The following MTRES1 variants were observed in gnomAD, a reference collection of about 807,000 sequenced individuals.
MTRES1 encodes uncharacterized protein C6orf203.
A neutral mutation model predicts 17.4 loss-of-function variants in MTRES1; 11 were observed. That is an observed-to-expected ratio of 0.63 (90% CI 0.40 to 1.05). The LOEUF (loss-of-function observed/expected upper bound fraction) is 1.05. Ranked by LOEUF, MTRES1 falls within the 50% of genes least tolerant of loss-of-function variation. The pLI, the probability that MTRES1 is intolerant of heterozygous loss-of-function variation, is 0.00. For missense variants in MTRES1, 268 were observed against 276.2 expected (o/e 0.97, Z 0.21); for synonymous variants, 94 against 99.6 (o/e 0.94, Z 0.34).
chr6:107,046,750 GA>G (rs1774403205), intron 3 of MTRES1, among the ~76,000 whole-genome samples: 1 of 152,148 alleles, frequency 6.6e-6, no homozygotes, highest in Non-Finnish European at 1.5e-5. Context: ...TCTTTGAGCT[GA>G]AAACCAGGTG....
chr6:107,043,420 C>T (rs1554228027), intron 2 of MTRES1, among the ~76,000 whole-genome samples: 1 of 151,944 alleles, frequency 6.6e-6, no homozygotes, highest in East Asian at 1.9e-4. Context: ...GGGGTGCCAA[C>T]CCCCATGCAG....
At chr6:107,050,837 A>G (rs1554229116) in intron 3 of MTRES1, among the ~76,000 whole-genome samples, 1 of 152,066 alleles carries the variant, frequency 6.6e-6, no homozygotes, top group East Asian at 1.9e-4. Context: ...TTGGCCTCCC[A>G]AAGTGCTGGG....
intron 1 of MTRES1, among the ~76,000 whole-genome samples, chr6:107,032,232 C>G (rs1451693132): frequency 6.6e-6 from 1 of 152,142 alleles, no homozygotes; most frequent in Non-Finnish European, 1.5e-5. Flanking sequence ...TTTACTATAG[C>G]CACCCCCACG....
At chr6:107,051,004 T>A (rs1242634417) in intron 3 of MTRES1, 53 bp from the exon 4 acceptor site, 2 of 1,453,406 alleles carry the variant, frequency 1.4e-6, no homozygotes, top group Non-Finnish European at 1.9e-6. Flanking sequence ...ATGTTTGCAT[T>A]GGCCTGGATT....
intron 1 of MTRES1, among the ~76,000 whole-genome samples, chr6:107,030,501 C>G (rs1243984546): frequency 1.3e-5 from 2 of 152,132 alleles, no homozygotes; most frequent in African/African-American, 2.4e-5. Context: ...CTGGAGGAAA[C>G]CCGGTGCAGT....
At chr6:107,037,713 A>T (rs1312321554) in intron 1 of MTRES1, among the ~76,000 whole-genome samples, 1 of 151,778 alleles carries the variant, frequency 6.6e-6, no homozygotes, top group Non-Finnish European at 1.5e-5. Flanking sequence ...ATTATATAGC[A>T]TTTTATTTAT....
intron 2 of MTRES1, among the ~76,000 whole-genome samples, chr6:107,043,039 CATT>C (rs1315115216): frequency 1.3e-5 from 2 of 151,376 alleles, no homozygotes; most frequent in East Asian, 3.9e-4. Flanking sequence ...TCAGAATAAA[CATT>C]AATGGAGGGC....
chr6:107,030,692 C>G (rs1490666980), intron 1 of MTRES1, among the ~76,000 whole-genome samples: 1 of 152,146 alleles, frequency 6.6e-6, no homozygotes, highest in Non-Finnish European at 1.5e-5. Flanking sequence ...AGAAAAAAAG[C>G]AGGTGTTTAG....
chr6:107,043,850 C>T (rs1468028138), intron 2 of MTRES1, among the ~76,000 whole-genome samples: 3 of 152,162 alleles, frequency 2.0e-5, no homozygotes, highest in Admixed American at 6.6e-5. Flanking sequence ...GATTTGAGGC[C>T]GGACGCGGTG....
At chr6:107,031,345 C>G (rs1173613991) in intron 1 of MTRES1, among the ~76,000 whole-genome samples, 2 of 134,504 alleles carry the variant, frequency 1.5e-5, no homozygotes, top group African/African-American at 5.6e-5. Context: ...TCGCGCCACC[C>G]ACTGCATTCC....
intron 1 of MTRES1, among the ~76,000 whole-genome samples, chr6:107,038,043 T>G (rs549039380): frequency 7.7e-4 from 117 of 152,204 alleles, no homozygotes; most frequent in South Asian, 2.5e-3. Flanking sequence ...TATTCCAAAT[T>G]ATAGTTATGT....
intron 1 of MTRES1, chr6:107,028,748 C>G (rs1293670460): frequency 2.2e-5 from 6 of 279,000 alleles, no homozygotes; most frequent in Non-Finnish European, 3.2e-5. Flanking sequence ...TCAAGCAGGT[C>G]AAAGTCAGCG....
chr6:107,045,090 C>T (rs879954495), intron 3 of MTRES1, among the ~76,000 whole-genome samples: 2 of 151,722 alleles, frequency 1.3e-5, no homozygotes, highest in Non-Finnish European at 2.9e-5. Flanking sequence ...GAGGCTGAGA[C>T]GGGAGGATTA....
intron 2 of MTRES1, among the ~76,000 whole-genome samples, chr6:107,043,333 CAA>C (rs1159443213): frequency 1.4e-4 from 17 of 125,134 alleles, no homozygotes; most frequent in Admixed American, 1.7e-4. Flanking sequence ...GACTCCATCT[CAA>C]AAAAAAAAAA....
chr6:107,050,551 C>CTTTTTTTT (rs142268482), intron 3 of MTRES1, among the ~76,000 whole-genome samples: 23 of 81,514 alleles, frequency 2.8e-4, no homozygotes, highest in South Asian at 1.6e-3. Flanking sequence ...CTCTCCCTTT[C>CTTTTTTTT]TTTTTTTTTT....
intron 3 of MTRES1, among the ~76,000 whole-genome samples, chr6:107,048,274 A>G (rs1774459058): frequency 6.6e-6 from 1 of 151,820 alleles, no homozygotes; most frequent in Admixed American, 6.6e-5. Context: ...ACCTGGGATT[A>G]CAGGCACCTA....
At chr6:107,038,692 T>C (rs1350800571) in intron 1 of MTRES1, among the ~76,000 whole-genome samples, 1 of 152,208 alleles carries the variant, frequency 6.6e-6, no homozygotes, top group African/African-American at 2.4e-5. Flanking sequence ...TGTCCTTCCT[T>C]GGCAAAGTCA....
chr6:107,045,355 G>A (rs1384618077), intron 3 of MTRES1, among the ~76,000 whole-genome samples: 2 of 151,894 alleles, frequency 1.3e-5, no homozygotes, highest in Non-Finnish European at 2.9e-5. Flanking sequence ...GTGGTGGTGG[G>A]CGCCTGTAGT....
At position 107,051,194 on chromosome 6, in the gene MTRES1, G is replaced by T. The variant is rs1412262089; in HGVS notation, c.681G>T (p.Arg227=). ...AAAAATACAGAGTGGTGTTACGGCG[G>T]TGGAAAAGTTTAAAGTTGCCTAAGA... ...ESEKYRVVLR[R]WKSLKLPKKR... Residue 227 remains arginine, a synonymous_variant, in exon 4 of 4, where the codon CGG becomes CGT. Coordinates refer to ENST00000311381, the MANE Select transcript of MTRES1 (RefSeq NM_016487.5). The T allele has an allele frequency of 5.6e-6, 9 of 1,613,762 alleles. No individual in the cohort carries two copies. Among genetic ancestry groups the T allele is most frequent in the African/African-American group, 1.3e-5 (1 of 74,924 alleles).
Sources: allele counts gnomAD v4.1 joint callset (sites outside exome capture counted in the v4.1 genomes callset), GRCh38; gene constraint gnomAD v4.1.1; transcripts MANE v1.5; gene names NCBI Gene and HGNC (gene_info 2026-07-23, HGNC 2026-07-21).